FNDC3A: variants seen among roughly 807,000 people sequenced by gnomAD.
FNDC3A encodes the protein fibronectin type-III domain-containing protein 3A.
FNDC3A carries 32 observed loss-of-function variants against 148.9 expected under a neutral mutation model. The ratio of observed to expected loss-of-function variants is 0.21; its 90% CI spans 0.16 to 0.29. FNDC3A has a LOEUF of 0.29. FNDC3A is among the 10% of genes least tolerant of loss of function. The pLI is 1.00. For missense variants in FNDC3A, 1,191 were observed against 1,452.8 expected (o/e 0.82, Z 2.93); for synonymous variants, 472 against 473.6 (o/e 1.00, Z 0.04).
chr13:48,980,844 G>A (rs1031948108), intron 1 of FNDC3A, among the ~76,000 whole-genome samples: 3 of 152,068 alleles, frequency 2.0e-5, no homozygotes, highest in Non-Finnish European at 2.9e-5. Context: ...TCATTAAGCA[G>A]GCATCAGTAC....
chr13:48,995,359 G>T (rs1952004586), intron 1 of FNDC3A, among the ~76,000 whole-genome samples: 1 of 145,600 alleles, frequency 6.9e-6, no homozygotes. Context: ...GCCTTTTTGT[G>T]TACCAAATCT....
intron 3 of FNDC3A, among the ~76,000 whole-genome samples, chr13:49,101,023 A>C (rs144846743): frequency 2.2e-4 from 33 of 152,324 alleles, no homozygotes; most frequent in African/African-American, 7.9e-4. Flanking sequence ...CTGGTGAGAT[A>C]TGCAGGTTGA....
intron 25 of FNDC3A, among the ~76,000 whole-genome samples, chr13:49,203,923 A>G (rs1000286546): frequency 6.6e-6 from 1 of 152,226 alleles, no homozygotes; most frequent in African/African-American, 2.4e-5. Flanking sequence ...ATAATAGGCC[A>G]TACTGTGGCT....
chr13:49,110,595 C>T (rs776000905), intron 3 of FNDC3A, among the ~76,000 whole-genome samples: 2 of 152,092 alleles, frequency 1.3e-5, no homozygotes, highest in Non-Finnish European at 1.5e-5. Flanking sequence ...TTGTATTCCA[C>T]GGAATATTCC....
At chr13:49,057,561 T>A (rs930383502) in intron 2 of FNDC3A, among the ~76,000 whole-genome samples, 6 of 152,320 alleles carry the variant, frequency 3.9e-5, no homozygotes, top group African/African-American at 1.4e-4. Flanking sequence ...TTTGGTTGTT[T>A]TGTGGGGATG....
chr13:49,138,899 T>C, intron 7 of FNDC3A, 94 bp downstream of exon 7: 1 of 658,594 alleles, frequency 1.5e-6, no homozygotes, highest in East Asian at 2.9e-5. Flanking sequence ...TTTAACTTTT[T>C]ATGAAAATAG....
At chr13:49,134,320 G>A (rs942588471) in intron 5 of FNDC3A, among the ~76,000 whole-genome samples, 1 of 151,584 alleles carries the variant, frequency 6.6e-6, no homozygotes, top group African/African-American at 2.4e-5. Context: ...TTTGTGTCTA[G>A]TTTTTTTTCA....
At chr13:49,181,561 A>G (rs1885305358) in intron 14 of FNDC3A, among the ~76,000 whole-genome samples, 1 of 152,228 alleles carries the variant, frequency 6.6e-6, no homozygotes, top group Admixed American at 6.5e-5. Flanking sequence ...ATGAAGTTCT[A>G]GGAGCTCAGA....
At chr13:49,183,249 C>T (rs924751430) in intron 14 of FNDC3A, among the ~76,000 whole-genome samples, 12 of 152,124 alleles carry the variant, frequency 7.9e-5, no homozygotes, top group Non-Finnish European at 1.6e-4. Context: ...TGCTGTTGCC[C>T]AGGAAGACTC....
At chr13:49,160,428 G>A (rs929398999) in intron 8 of FNDC3A, among the ~76,000 whole-genome samples, 1 of 152,196 alleles carries the variant, frequency 6.6e-6, no homozygotes, top group Non-Finnish European at 1.5e-5. Flanking sequence ...AGTATTCTCT[G>A]ATGGTAGTTT....
intron 2 of FNDC3A, among the ~76,000 whole-genome samples, chr13:49,017,448 T>G (rs1461120507): frequency 3.9e-5 from 6 of 152,184 alleles, no homozygotes; most frequent in African/African-American, 1.4e-4. Flanking sequence ...GTTTTCCATT[T>G]GCTTGGTAGA....
chr13:49,088,566 C>T (rs1360880452), intron 3 of FNDC3A, among the ~76,000 whole-genome samples: 3 of 152,176 alleles, frequency 2.0e-5, no homozygotes, highest in Non-Finnish European at 4.4e-5. Context: ...CATACTTGAC[C>T]TCAGTGTATT....
intron 1 of FNDC3A, among the ~76,000 whole-genome samples, chr13:48,977,952 CTT>C (rs1415418965): frequency 6.6e-6 from 1 of 152,132 alleles, no homozygotes; most frequent in Non-Finnish European, 1.5e-5. Context: ...TTAACTCCCT[CTT>C]TTTCCCTTTT....
At chr13:49,045,983 A>C (rs1204386484) in intron 2 of FNDC3A, 1 of 177,906 alleles carries the variant, frequency 5.6e-6, no homozygotes, top group Non-Finnish European at 1.2e-5. Context: ...ATTTTATCAT[A>C]ATTGTTGTTG....
chr13:49,099,120 C>A (rs1041300055), intron 3 of FNDC3A, among the ~76,000 whole-genome samples: 1 of 152,146 alleles, frequency 6.6e-6, no homozygotes, highest in Admixed American at 6.6e-5. Flanking sequence ...ATCTTGATAT[C>A]TAACTGGTAT....
At chr13:49,187,881 A>T (rs551683175) in intron 16 of FNDC3A, among the ~76,000 whole-genome samples, 5 of 152,118 alleles carry the variant, frequency 3.3e-5, no homozygotes, top group African/African-American at 1.2e-4. Flanking sequence ...TTGCATTTAC[A>T]TGTTCTTTTT....
chr13:49,201,969 A>G lies in FNDC3A; in HGVS notation c.3154+3A>G. 6.5e-7 allele frequency: 1 copy of G among 1,531,886 alleles called. No homozygotes were observed. Among genetic ancestry groups the G allele is most frequent in the Non-Finnish European group, 8.8e-7 (1 of 1,140,618 alleles). 94.9% of individuals were successfully genotyped at this position (1,531,886 alleles called of 1,614,324 possible). A position where few individuals can be genotyped will look rare whatever the true frequency, so the allele number is the denominator to read the frequency against. ...ATCTGTCCCAGCTGCCTTGAAAGGT[A>G]AGTTATACATCCTGAACTTATTTTC... On this transcript the variant is annotated splice_donor_region_variant and intron_variant, in intron 24 of 25. Coordinates refer to ENST00000492622, the MANE Select transcript of FNDC3A (RefSeq NM_001079673.2).
At chr13:49,197,908 A>T (rs41306023) in intron 21 of FNDC3A, 34 bp downstream of exon 21, 1 of 1,588,806 alleles carries the variant, frequency 6.3e-7, no homozygotes, top group Non-Finnish European at 8.5e-7. Flanking sequence ...ACTTAACTCT[A>T]TCCAGAGTTT....
intron 8 of FNDC3A, among the ~76,000 whole-genome samples, chr13:49,150,087 G>A (rs1883201509): frequency 6.6e-6 from 1 of 151,966 alleles, no homozygotes; most frequent in Admixed American, 6.6e-5. Flanking sequence ...AGTCTAGGTG[G>A]TGGTTTAGTT....
Sources: allele counts gnomAD v4.1 joint callset (sites outside exome capture counted in the v4.1 genomes callset), GRCh38; gene constraint gnomAD v4.1.1; transcripts MANE v1.5; gene names NCBI Gene and HGNC (gene_info 2026-07-23, HGNC 2026-07-21).